Variants in TM4SF18 observed in about 807,000 individuals in gnomAD.
The protein encoded by TM4SF18 is transmembrane 4 L six family member 18, also known as transmembrane 4 L6 family member 18.
A neutral mutation model predicts 23.8 loss-of-function variants in TM4SF18; 22 were observed. The observed-to-expected ratio is 0.92, with a 90% CI of 0.66 to 1.32. The LOEUF (loss-of-function observed/expected upper bound fraction) is 1.32, where lower values mean the gene tolerates loss of function less well. Among genes scored for constraint, TM4SF18 ranks in the 40% most tolerant of loss-of-function variants. The pLI, the probability that TM4SF18 is intolerant of heterozygous loss-of-function variation, is 0.00. For synonymous variants in TM4SF18, 87 were observed against 87.9 expected, an observed-to-expected ratio of 0.99 and a Z score of 0.06; for missense variants, 255 against 240.3, an observed-to-expected ratio of 1.06 and a Z score of -0.41.
chr3:149,323,904 A>G (rs1351161346), intron 4 of TM4SF18, among the ~76,000 whole-genome samples: 1 of 152,166 alleles, frequency 6.6e-6, no homozygotes, highest in Non-Finnish European at 1.5e-5. Flanking sequence ...CATGTTTGCT[A>G]AGAAAGGTCA....
At position 149,330,493 on chromosome 3, in the gene TM4SF18, G is replaced by A. The variant is rs1401952086; in HGVS notation, c.178-74C>T. ...TTTGTGCTTATAATCAGAGGACAGCGTCTTCAAGCATAGAGTCTGGGGTCA... is the reference window on the plus strand; with the variant it reads ...TTTGTGCTTATAATCAGAGGACAGCATCTTCAAGCATAGAGTCTGGGGTCA... On this transcript the variant is annotated intron_variant, in intron 2 of 5. Coordinates refer to ENST00000296059, the MANE Select transcript of TM4SF18 (RefSeq NM_138786.4). 7.1e-5 allele frequency: 71 copies of A among 996,288 alleles called. No homozygotes were observed. The East Asian group carries it at 1.3e-3, about 18-fold the overall frequency. The allele number at this position is 996,288 out of a possible 1,614,324, so 61.7% of individuals were successfully genotyped here.
chr3:149,328,733 AT>A (rs1231114708), intron 3 of TM4SF18, among the ~76,000 whole-genome samples: 1 of 152,152 alleles, frequency 6.6e-6, no homozygotes, highest in Non-Finnish European at 1.5e-5. Flanking sequence ...TTGTGCTCTG[AT>A]GCCTACCAGG....
chr3:149,325,353 T>C (rs777802354), intron 3 of TM4SF18, among the ~76,000 whole-genome samples: 11 of 152,198 alleles, frequency 7.2e-5, no homozygotes, highest in Non-Finnish European at 1.3e-4. Flanking sequence ...TAACTATCTA[T>C]TGAAGACCTG....
intron 3 of TM4SF18, among the ~76,000 whole-genome samples, chr3:149,327,860 A>G (rs193173614): frequency 6.6e-6 from 1 of 152,212 alleles, no homozygotes; most frequent in Admixed American, 6.5e-5. Flanking sequence ...CGCACACACT[A>G]CAATCTAATG....
At chr3:149,331,595 T>C (rs1245194836) in intron 2 of TM4SF18, among the ~76,000 whole-genome samples, 1 of 152,184 alleles carries the variant, frequency 6.6e-6, no homozygotes, top group Non-Finnish European at 1.5e-5. Flanking sequence ...TAGAGATAAT[T>C]TGACCTAGAG....
chr3:149,333,522 G>T lies in TM4SF18; in HGVS notation c.-27C>A. The stretch of plus-strand genomic sequence containing the variant: ...TTTTGAGATTACCTACCACTTCCAG[G>T]GTCAGAGCCCTTCACTTCATATTCA... On this transcript the variant is annotated 5_prime_UTR_variant, in exon 1 of 6. Coordinates refer to ENST00000296059, the MANE Select transcript of TM4SF18 (RefSeq NM_138786.4). 1.8e-6 allele frequency: 1 copy of T among 555,868 alleles called. No homozygotes were observed. Among genetic ancestry groups the T allele is most frequent in the Non-Finnish European group, 2.8e-6 (1 of 359,372 alleles). 34.4% of individuals were successfully genotyped at this position (555,868 alleles called of 1,614,324 possible).
chr3:149,321,384 A>G lies in TM4SF18; in HGVS notation c.*94T>C, dbSNP rs1324193902. On this transcript the variant is annotated 3_prime_UTR_variant, in exon 6 of 6. Transcript: ENST00000296059. The stretch of plus-strand genomic sequence containing the variant: ...CAAATAAACACCAAATGCAGAAAGC[A>G]CCATCATTTCAATATTGCCCTCAAG... 2.2e-6 allele frequency: 2 copies of G among 927,762 alleles called. No homozygotes were observed. The highest frequency in any genetic ancestry group is 5.6e-5 in the East Asian group (2 of 35,514). The allele number at this position is 927,762 out of a possible 1,614,324, so 57.5% of individuals were successfully genotyped here.
At chr3:149,325,210 TA>T (rs1441966341) in intron 3 of TM4SF18, among the ~76,000 whole-genome samples, 188 bp from the exon 4 acceptor site, 1 of 152,194 alleles carries the variant, frequency 6.6e-6, no homozygotes, top group East Asian at 1.9e-4. Context: ...AGCTTTTAAA[TA>T]ACGTTTAGTT....
chr3:149,325,359 ACC>A (rs2108360539), intron 3 of TM4SF18, among the ~76,000 whole-genome samples: 1 of 152,296 alleles, frequency 6.6e-6, no homozygotes, highest in African/African-American at 2.4e-5. Context: ...TCTATTGAAG[ACC>A]TGTTATTTTC....
rs34338382 is a variant in TM4SF18, at chr3:149,322,905, C to CTTTTTTTTTTTTTTTTTTTTTTTTT, written c.411-470_411-469insAAAAAAAAAAAAAAAAAAAAAAAAA. Among the ~76,000 whole-genome samples, 122 of 128,742 alleles carry CTTTTTTTTTTTTTTTTTTTTTTTTT rather than the reference C, an allele frequency of 9.5e-4. 8 individuals carry two copies. The highest frequency in any genetic ancestry group is 1.3e-3 in the Non-Finnish European group (75 of 58,354). The allele number at this position is 128,742 out of a possible 152,430, so 84.5% of individuals were successfully genotyped here. A position where few individuals can be genotyped will look rare whatever the true frequency, so the allele number is the denominator to read the frequency against. ...GAACTTTACCCCTCTGGCCTCCAGA[C>CTTTTTTTTTTTTTTTTTTTTTTTTT]TTTTTTTTTTTTTTTTGAGACGGAG... On this transcript the variant is annotated intron_variant, in intron 4 of 5. Coordinates refer to ENST00000296059, the MANE Select transcript of TM4SF18 (RefSeq NM_138786.4).
Position 149,325,574 on chromosome 3 carries a change from A to T in TM4SF18, c.268-552T>A, listed in dbSNP as rs143453990. ...GAGAATGGGTGTTATTCACAGGCAG[A>T]TCAGTGCAACCAGAGTTGTGAGAAA... is the stretch of plus-strand genomic sequence containing the variant. On this transcript the variant is annotated intron_variant, in intron 3 of 5. Transcript: ENST00000296059. Among the ~76,000 whole-genome samples the T allele has an allele frequency of 1.2e-3, 180 of 152,316 alleles. 1 individual carries two copies. The highest frequency in any genetic ancestry group is 4.2e-3 in the African/African-American group (174 of 41,558).
chr3:149,325,431 A>T (rs1730921396), intron 3 of TM4SF18, among the ~76,000 whole-genome samples: 1 of 152,184 alleles, frequency 6.6e-6, no homozygotes, highest in Non-Finnish European at 1.5e-5. Flanking sequence ...TCTTATAAAG[A>T]TATTAAAATA....
rs1731062868 is a variant in TM4SF18, at chr3:149,330,364, C to G, written c.233G>C (p.Cys78Ser). The G allele has an allele frequency of 1.2e-6, 2 of 1,612,508 alleles. No homozygotes were observed. Among genetic ancestry groups the G allele is most frequent in the Admixed American group, 3.3e-5 (2 of 59,892 alleles). The change falls in exon 3 of 6, where the codon TGT (cysteine) becomes TCT (serine). Residue 78 changes from cysteine to serine, a missense_variant. Cys to Ser is a moderately radical substitution (Grantham distance 112). Transcript: ENST00000296059. ...TTTGCTGCAGTTTTCACTCTGGCAA[C>G]ATTTATAGTTGTTATTATTCTCCAG... ...LVLENNNNYK[C>S]CQSENCSKKY...
chr3:149,331,263 T>C (rs146471585), intron 2 of TM4SF18, among the ~76,000 whole-genome samples: 3 of 152,332 alleles, frequency 2.0e-5, no homozygotes, highest in East Asian at 3.9e-4. Context: ...AATTTTTTTG[T>C]TCATTTAATT....
Position 149,322,255 on chromosome 3 carries a change from C to A in TM4SF18, c.591+1G>T, listed in dbSNP as rs776720125. The A allele has an allele frequency of 1.9e-6, 3 of 1,608,476 alleles. No individual in the cohort carries two copies. The highest frequency in any genetic ancestry group is 1.7e-5 in the Admixed American group (1 of 59,302). ...TACAGGTGCCCATGAGAATCTGTTA[C>A]CTGGAAGATCACTGAATAGCTTCCA... On this transcript the variant is annotated splice_donor_variant, in intron 5 of 5. Coordinates refer to ENST00000296059, the MANE Select transcript of TM4SF18 (RefSeq NM_138786.4). LOFTEE classifies it high-confidence loss of function.
At position 149,326,098 on chromosome 3, in the gene TM4SF18, C is replaced by T. The variant is rs181434627; in HGVS notation, c.268-1076G>A. Among the ~76,000 whole-genome samples, 84 of 152,208 alleles carry T rather than the reference C, an allele frequency of 5.5e-4. 2 individuals are homozygous for T. The highest frequency in any genetic ancestry group is 4.8e-3 in the Admixed American group (74 of 15,282). On this transcript the variant is annotated intron_variant, in intron 3 of 5. Transcript: ENST00000296059. ...CACCCCTAAATATTTCAGCATACAC[C>T]TCCTAAGAATAAAAACATTCTATTA... is the stretch of plus-strand genomic sequence containing the variant.
intron 4 of TM4SF18, 100 bp from the exon 5 acceptor site, chr3:149,322,536 T>C: frequency 1.0e-6 from 1 of 965,472 alleles, no homozygotes; most frequent in Non-Finnish European, 1.5e-6. Flanking sequence ...AAATATATAG[T>C]TATTAGATAT....
chr3:149,322,905 C>CTTTTT lies in TM4SF18; in HGVS notation c.411-474_411-470dup, dbSNP rs34338382. 4.7e-4 allele frequency among the ~76,000 whole-genome samples: 60 copies of CTTTTT among 128,786 alleles called. 2 individuals are homozygous for CTTTTT. The highest frequency in any genetic ancestry group is 1.4e-3 in the African/African-American group (50 of 36,052). 84.5% of individuals were successfully genotyped at this position (128,786 alleles called of 152,430 possible). A position where few individuals can be genotyped will look rare whatever the true frequency, so the allele number is the denominator to read the frequency against. On this transcript the variant is annotated intron_variant, in intron 4 of 5. Transcript: ENST00000296059. ...GAACTTTACCCCTCTGGCCTCCAGA[C>CTTTTT]TTTTTTTTTTTTTTTTGAGACGGAG...
intron 3 of TM4SF18, among the ~76,000 whole-genome samples, chr3:149,329,156 T>TCACACACACACACA (rs33985529): frequency 9.1e-5 from 13 of 142,130 alleles, no homozygotes; most frequent in African/African-American, 3.4e-4. Context: ...AGTCAACTGG[T>TCACACACACACACA]CACACACACA....
Sources: gnomAD v4.1 joint callset for allele counts (sites outside exome capture counted in the v4.1 genomes callset) on GRCh38, gnomAD v4.1.1 for gene constraint, MANE v1.5 for transcripts, NCBI Gene and HGNC (gene_info 2026-07-23, HGNC 2026-07-21) for gene names.